HS6ST1: variants seen among roughly 807,000 people sequenced by gnomAD.
HS6ST1 encodes heparan sulfate 6-O-sulfotransferase 1, also known as heparan-sulfate 6-O-sulfotransferase 1.
A neutral mutation model predicts 25.2 loss-of-function variants in HS6ST1; 3 were observed. That is an observed-to-expected ratio of 0.12 (90% CI 0.05 to 0.31). HS6ST1 has a LOEUF of 0.31. HS6ST1 is among the 10% of genes least tolerant of loss of function. The pLI is 1.00. For missense variants in HS6ST1, 310 were observed against 609.6 expected (o/e 0.51, Z 5.18); for synonymous variants, 204 against 275.1 (o/e 0.74, Z 2.56).
chr2:128,279,083 G>A (rs567294407), intron 1 of HS6ST1, among the ~76,000 whole-genome samples: 5 of 152,288 alleles, frequency 3.3e-5, no homozygotes, highest in East Asian at 1.9e-4. Context: ...GCCATTAGAC[G>A]GGGCCGGCCG....
At chr2:128,306,837 G>A (rs925006534) in intron 1 of HS6ST1, among the ~76,000 whole-genome samples, 19 of 152,182 alleles carry the variant, frequency 1.2e-4, no homozygotes, top group Admixed American at 1.2e-3. Flanking sequence ...CGCAGCAGAC[G>A]GTGCCCAAGG....
intron 1 of HS6ST1, among the ~76,000 whole-genome samples, chr2:128,302,376 ACATGTGGGAGTG>A (rs1372650111): frequency 6.6e-6 from 1 of 152,148 alleles, no homozygotes; most frequent in Non-Finnish European, 1.5e-5. Context: ...TGGTGTGTTC[ACATGTGGGAGTG>A]CATGTGTGGG....
At chr2:128,306,823 C>T (rs1573708306) in intron 1 of HS6ST1, among the ~76,000 whole-genome samples, 3 of 152,154 alleles carry the variant, frequency 2.0e-5, no homozygotes, top group Admixed American at 6.5e-5. Flanking sequence ...GCCCTGGGTG[C>T]GCCCGCAGCA....
chr2:128,281,145 C>T (rs1455669799), intron 1 of HS6ST1, among the ~76,000 whole-genome samples: 1 of 152,268 alleles, frequency 6.6e-6, no homozygotes, highest in Non-Finnish European at 1.5e-5. Flanking sequence ...CATCTCCCTG[C>T]CCTGCCCCCT....
chr2:128,315,663 G>A (rs777592408), intron 1 of HS6ST1, among the ~76,000 whole-genome samples: 62 of 152,338 alleles, frequency 4.1e-4, no homozygotes, highest in Admixed American at 1.7e-3. Context: ...TCCCTGGGCA[G>A]ATGGGGGAAG....
intron 1 of HS6ST1, among the ~76,000 whole-genome samples, chr2:128,275,369 G>A (rs1250620062): frequency 6.6e-6 from 1 of 152,076 alleles, no homozygotes. Flanking sequence ...AGTAAACAGA[G>A]AATATCTAAA....
intron 1 of HS6ST1, among the ~76,000 whole-genome samples, chr2:128,298,296 G>A (rs985521884): frequency 1.3e-5 from 2 of 152,176 alleles, no homozygotes; most frequent in Non-Finnish European, 2.9e-5. Context: ...ATTACCATAT[G>A]ATCTAGCAAT....
chr2:128,312,953 C>A (rs755089614), intron 1 of HS6ST1, among the ~76,000 whole-genome samples: 5 of 152,004 alleles, frequency 3.3e-5, no homozygotes, highest in African/African-American at 1.2e-4. Flanking sequence ...ATCCCAGCTA[C>A]GTGGGAGGCT....
In HS6ST1 at chr2:128,268,375, G is replaced by A. The variant is rs200838655; in HGVS notation, c.1023C>T (p.Asn341=). The change falls in exon 2 of 2, where the codon AAC becomes AAT. Residue 341 remains asparagine (N), a synonymous_variant. Transcript: ENST00000259241. ...EDTIRRIEEL[N]DLDMQLYDYA... ...AGTCGTACAGCTGCATGTCCAGGTC[G>A]TTGAGCTCCTCGATGCGCCGGATGG... 276 of 1,613,694 alleles carry A rather than the reference G, an allele frequency of 1.7e-4. No homozygotes were observed. Among genetic ancestry groups the A allele is most frequent in the Middle Eastern group, 6.6e-4 (4 of 6,052 alleles).
chr2:128,271,113 T>C (rs1053249425), intron 1 of HS6ST1, among the ~76,000 whole-genome samples: 16 of 152,186 alleles, frequency 1.1e-4, no homozygotes, highest in Non-Finnish European at 2.2e-4. Flanking sequence ...CACAGAGTCA[T>C]GACACTGGCC....
intron 1 of HS6ST1, among the ~76,000 whole-genome samples, chr2:128,317,579 G>T (rs185996909): frequency 2.7e-3 from 408 of 152,336 alleles, no homozygotes; most frequent in African/African-American, 9.1e-3. Context: ...CAGGCACAGG[G>T]GCGGCACCTC....
chr2:128,267,911 A>T lies in HS6ST1; in HGVS notation c.*251T>A. 1.7e-6 allele frequency: 1 copy of T among 589,996 alleles called. No individual in the cohort carries two copies. Among genetic ancestry groups the T allele is most frequent in the South Asian group, 2.1e-5 (1 of 47,720 alleles). The allele number at this position is 589,996 out of a possible 1,614,324, so 36.5% of individuals were successfully genotyped here. On this transcript the variant is annotated 3_prime_UTR_variant, in exon 2 of 2. Coordinates refer to ENST00000259241, the MANE Select transcript of HS6ST1 (RefSeq NM_004807.3). ...GCTCCAGGCACAACACCTGCTCTGG[A>T]GGCCCTGCCCTGACCATGGCATCCT...
intron 1 of HS6ST1, among the ~76,000 whole-genome samples, chr2:128,293,565 C>T (rs938702378): frequency 1.3e-5 from 2 of 152,206 alleles, no homozygotes; most frequent in East Asian, 1.9e-4. Context: ...GTCCGAGGGG[C>T]GCTTCCCGGG....
intron 1 of HS6ST1, among the ~76,000 whole-genome samples, chr2:128,269,826 AG>A (rs1693585539): frequency 1.3e-5 from 2 of 152,160 alleles, no homozygotes; most frequent in Non-Finnish European, 2.9e-5. Context: ...ACCCCCCGCC[AG>A]GATTCCCCAG....
At chr2:128,309,542 C>T (rs542287400) in intron 1 of HS6ST1, among the ~76,000 whole-genome samples, 3 of 152,232 alleles carry the variant, frequency 2.0e-5, no homozygotes, top group South Asian at 2.1e-4. Flanking sequence ...CCACCGGGGG[C>T]GGTCACCCAC....
intron 1 of HS6ST1, among the ~76,000 whole-genome samples, chr2:128,303,675 C>T (rs1230445504): frequency 6.6e-6 from 1 of 152,178 alleles, no homozygotes; most frequent in East Asian, 1.9e-4. Flanking sequence ...CTAAAGGGGA[C>T]ATCTGGGAGG....
At chr2:128,300,337 A>T (rs1694104505) in intron 1 of HS6ST1, among the ~76,000 whole-genome samples, 1 of 152,032 alleles carries the variant, frequency 6.6e-6, no homozygotes, top group Non-Finnish European at 1.5e-5. Flanking sequence ...GACACTGGAG[A>T]AGAGGGGGGG....
intron 1 of HS6ST1, among the ~76,000 whole-genome samples, chr2:128,280,513 C>T (rs1025080595): frequency 5.3e-5 from 8 of 152,336 alleles, no homozygotes; most frequent in African/African-American, 1.2e-4. Context: ...GACCCAGTGC[C>T]GCAGCACCAG....
intron 1 of HS6ST1, among the ~76,000 whole-genome samples, chr2:128,294,020 A>G (rs1693998226): frequency 6.6e-6 from 1 of 152,136 alleles, no homozygotes; most frequent in African/African-American, 2.4e-5. Context: ...TCCCGAAGCC[A>G]GTAGGCTTGG....
Sources: allele counts gnomAD v4.1 joint callset (sites outside exome capture counted in the v4.1 genomes callset), GRCh38; gene constraint gnomAD v4.1.1; transcripts MANE v1.5; gene names NCBI Gene and HGNC (gene_info 2026-07-23, HGNC 2026-07-21).